NRG3: variants seen among roughly 807,000 people sequenced by gnomAD.
NRG3 encodes neuregulin 3, also known as pro-neuregulin-3, membrane-bound isoform.
NRG3 carries 31 observed loss-of-function variants against 66.9 expected under a neutral mutation model. The ratio of observed to expected loss-of-function variants is 0.46; its 90% CI spans 0.35 to 0.63. NRG3 has a LOEUF of 0.63. Ranked by LOEUF, NRG3 falls within the 20% of genes least tolerant of loss-of-function variation. NRG3 has a pLI of 0.00. For missense variants in NRG3, 910 were observed against 878.9 expected, an observed-to-expected ratio of 1.04 and a Z score of -0.45; for synonymous variants, 393 against 359.4, an observed-to-expected ratio of 1.09 and a Z score of -1.06.
intron 2 of NRG3, among the ~76,000 whole-genome samples, chr10:82,728,386 C>T (rs926124436): frequency 6.6e-6 from 1 of 152,122 alleles, no homozygotes; most frequent in Non-Finnish European, 1.5e-5. Context: ...CTTTCCTATG[C>T]TGTTCTCATG....
chr10:82,543,642 G>A (rs1239837432), intron 2 of NRG3, among the ~76,000 whole-genome samples: 2 of 152,178 alleles, frequency 1.3e-5, no homozygotes, highest in Non-Finnish European at 2.9e-5. Context: ...ACTGTGATGA[G>A]TATTTTCATC....
intron 2 of NRG3, among the ~76,000 whole-genome samples, chr10:82,655,498 A>G (rs2037303126): frequency 6.6e-6 from 1 of 152,146 alleles, no homozygotes; most frequent in South Asian, 2.1e-4. Flanking sequence ...TCCTTCATCC[A>G]ATTGACAGTT....
At chr10:82,340,157 C>T (rs1047037863) in intron 1 of NRG3, among the ~76,000 whole-genome samples, 1 of 152,038 alleles carries the variant, frequency 6.6e-6, no homozygotes. Context: ...TAGAGTTAGT[C>T]CTGTTATAAT....
intron 2 of NRG3, among the ~76,000 whole-genome samples, chr10:82,457,759 A>G (rs1441645064): frequency 6.6e-6 from 1 of 152,132 alleles, no homozygotes; most frequent in Non-Finnish European, 1.5e-5. Flanking sequence ...GCCTGTAGGG[A>G]CCTGAATGTC....
At chr10:81,951,370 CAAATTAGG>C (rs1435431791) in intron 1 of NRG3, among the ~76,000 whole-genome samples, 1 of 152,072 alleles carries the variant, frequency 6.6e-6, no homozygotes, top group Non-Finnish European at 1.5e-5. Flanking sequence ...AAAACAGAAA[CAAATTAGG>C]TGTGTATCAG....
rs1018943544 is a variant in NRG3, at chr10:82,524,891, T to C, written c.953+166023T>C. 2.0e-4 allele frequency among the ~76,000 whole-genome samples: 31 copies of C among 151,894 alleles called. 1 individual carries two copies. The highest frequency in any genetic ancestry group is 1.8e-3 in the Admixed American group (27 of 15,236). ...TTTCTACATTTTTATATTTATTGGTTTCTCAGTGTTTTCGCTGTAATTTTA... is the reference window on the plus strand; with the variant it reads ...TTTCTACATTTTTATATTTATTGGTCTCTCAGTGTTTTCGCTGTAATTTTA... On this transcript the variant is annotated intron_variant, in intron 2 of 8. Transcript: ENST00000372141.
At chr10:82,401,778 G>T (rs566146920) in intron 2 of NRG3, among the ~76,000 whole-genome samples, 2 of 151,924 alleles carry the variant, frequency 1.3e-5, no homozygotes, top group African/African-American at 4.8e-5. Flanking sequence ...TTTGATATTT[G>T]CCTTTAGTAA....
chr10:82,211,531 A>G (rs1341650739), intron 1 of NRG3, among the ~76,000 whole-genome samples: 1 of 152,142 alleles, frequency 6.6e-6, no homozygotes, highest in Non-Finnish European at 1.5e-5. Flanking sequence ...CCAGAGGCTG[A>G]ATAAGCGTGC....
chr10:82,031,975 T>C, intron 1 of NRG3, among the ~76,000 whole-genome samples: 1 of 152,128 alleles, frequency 6.6e-6, no homozygotes, highest in Non-Finnish European at 1.5e-5. Context: ...TCATGTGGGC[T>C]GACCAAGCAG....
chr10:82,408,959 C>T (rs2087833243), intron 2 of NRG3, among the ~76,000 whole-genome samples: 1 of 152,170 alleles, frequency 6.6e-6, no homozygotes. Flanking sequence ...ATATATAATG[C>T]CATATATCAG....
chr10:82,097,685 T>G (rs2066443083), intron 1 of NRG3, among the ~76,000 whole-genome samples: 1 of 151,970 alleles, frequency 6.6e-6, no homozygotes, highest in Non-Finnish European at 1.5e-5. Flanking sequence ...CATAAGAAAC[T>G]GCCATACTAT....
intron 1 of NRG3, among the ~76,000 whole-genome samples, chr10:82,061,791 C>T (rs558857425): frequency 4.6e-4 from 70 of 151,920 alleles, no homozygotes; most frequent in African/African-American, 1.6e-3. Context: ...CACCTTTTTT[C>T]TGTCTGTCTC....
intron 2 of NRG3, among the ~76,000 whole-genome samples, chr10:82,658,731 T>G (rs61433592): frequency 0.17 from 26,327 of 152,138 alleles, 2,865 homozygotes; most frequent in African/African-American, 0.31. Context: ...TGAGGCATAC[T>G]TTCATTATTG....
At chr10:82,309,879 C>T (rs762736960) in intron 1 of NRG3, among the ~76,000 whole-genome samples, 5 of 152,166 alleles carry the variant, frequency 3.3e-5, no homozygotes, top group Admixed American at 6.5e-5. Flanking sequence ...ACTGTCCTTC[C>T]TTGAATGTTT....
chr10:82,197,156 A>G (rs547656965), intron 1 of NRG3, among the ~76,000 whole-genome samples: 3 of 152,318 alleles, frequency 2.0e-5, no homozygotes, highest in African/African-American at 7.2e-5. Context: ...CCTCACAGGA[A>G]GTTTTGGGAG....
chr10:82,652,893 T>A (rs2051541541), intron 2 of NRG3, among the ~76,000 whole-genome samples: 2 of 152,142 alleles, frequency 1.3e-5, no homozygotes, highest in Non-Finnish European at 2.9e-5. Flanking sequence ...AGCTGCTGAG[T>A]TTTGGGTTAT....
chr10:82,622,179 A>T (rs1250756327), intron 2 of NRG3, among the ~76,000 whole-genome samples: 3 of 152,146 alleles, frequency 2.0e-5, no homozygotes, highest in African/African-American at 7.2e-5. Flanking sequence ...TAAGGACCTG[A>T]AAAGTTAGCT....
At chr10:82,012,092 A>C (rs1291698197) in intron 1 of NRG3, among the ~76,000 whole-genome samples, 1 of 152,172 alleles carries the variant, frequency 6.6e-6, no homozygotes, top group African/African-American at 2.4e-5. Context: ...CCCTGCAGCA[A>C]ACTTCTGCCT....
At chr10:82,809,691 A>G (rs1430537196) in intron 3 of NRG3, among the ~76,000 whole-genome samples, 1 of 152,204 alleles carries the variant, frequency 6.6e-6, no homozygotes, top group African/African-American at 2.4e-5. Flanking sequence ...TTGTGTTTCA[A>G]CCTCATTTCT....
Sources: allele counts gnomAD v4.1 joint callset (sites outside exome capture counted in the v4.1 genomes callset), GRCh38; gene constraint gnomAD v4.1.1; transcripts MANE v1.5; gene names NCBI Gene and HGNC (gene_info 2026-07-23, HGNC 2026-07-21).